EDEM3: variants seen among roughly 807,000 people sequenced by gnomAD.
The protein encoded by EDEM3 is ER degradation-enhancing alpha-mannosidase-like protein 3.
Under a neutral mutation model 110.2 loss-of-function variants are expected in EDEM3, and 60 were observed. The observed-to-expected ratio is 0.54, with a 90% confidence interval of 0.44 to 0.67. The LOEUF is 0.67. EDEM3 is among the 30% of genes least tolerant of loss of function. The pLI, the probability that EDEM3 is intolerant of heterozygous loss-of-function variation, is 0.00. For synonymous variants in EDEM3, 352 were observed against 382.9 expected (o/e 0.92, Z 0.94); for missense variants, 996 against 1,121.0 (o/e 0.89, Z 1.59).
At chr1:184,736,449 G>C (rs1457864249) in intron 4 of EDEM3, among the ~76,000 whole-genome samples, 2 of 151,986 alleles carry the variant, frequency 1.3e-5, no homozygotes, top group African/African-American at 4.8e-5. Flanking sequence ...AATGATCTAA[G>C]AGTAAAAAAC....
chr1:184,749,616 G>C, intron 1 of EDEM3, 24 bp from the exon 2 acceptor site: 3 of 1,136,212 alleles, frequency 2.6e-6, no homozygotes, highest in Non-Finnish European at 3.5e-6. Flanking sequence ...AGCAGAAATG[G>C]AAAAAAAAAA....
At chr1:184,733,705 G>A (rs948163022) in intron 5 of EDEM3, among the ~76,000 whole-genome samples, 1 of 151,922 alleles carries the variant, frequency 6.6e-6, no homozygotes, top group Non-Finnish European at 1.5e-5. Context: ...GCAGGTGCCT[G>A]TAATCCCAGC....
intron 19 of EDEM3, among the ~76,000 whole-genome samples, chr1:184,697,954 A>C (rs1649415381): frequency 1.3e-5 from 2 of 151,562 alleles, no homozygotes; most frequent in Non-Finnish European, 3.0e-5. Context: ...TAGAACCTCT[A>C]TTTCTTTATG....
chr1:184,741,465 AT>A (rs1308459369), intron 2 of EDEM3, among the ~76,000 whole-genome samples: 5 of 152,170 alleles, frequency 3.3e-5, no homozygotes, highest in African/African-American at 9.6e-5. Context: ...TGTTTCTAAT[AT>A]TTTTAATTAC....
intron 19 of EDEM3, among the ~76,000 whole-genome samples, chr1:184,694,771 CAAT>C (rs773293043): frequency 7.9e-5 from 12 of 151,886 alleles, no homozygotes; most frequent in Non-Finnish European, 7.4e-5. Flanking sequence ...GTACGCTAAC[CAAT>C]AATAATATTA....
chr1:184,743,153 CT>C (rs1652235223), intron 2 of EDEM3, among the ~76,000 whole-genome samples: 1 of 152,154 alleles, frequency 6.6e-6, no homozygotes, highest in South Asian at 2.1e-4. Flanking sequence ...TACTTTGTCT[CT>C]TTGTTTCAAG....
chr1:184,691,101 A>T lies in EDEM3; in HGVS notation c.*2962T>A, dbSNP rs1050556136. On this transcript the variant is annotated 3_prime_UTR_variant, in exon 20 of 20. Coordinates refer to ENST00000318130, the MANE Select transcript of EDEM3 (RefSeq NM_025191.4). ...ACTAATACTGTAAAGAAAAAGGGAG[A>T]CGTATAATGCCAAGAGTTAATTTGT... The T allele has an allele frequency of 6.6e-6, 1 of 152,568 alleles. No homozygotes were observed. The highest frequency in any genetic ancestry group is 1.5e-5 in the Non-Finnish European group (1 of 67,990). The allele number at this position is 152,568 out of a possible 1,614,324, so 9.5% of individuals were successfully genotyped here.
chr1:184,690,630 T>C lies in EDEM3; in HGVS notation c.*3433A>G, dbSNP rs1485172106. On this transcript the variant is annotated 3_prime_UTR_variant, in exon 20 of 20. Coordinates refer to ENST00000318130, the MANE Select transcript of EDEM3 (RefSeq NM_025191.4). ...CAGTACATAGTTTCCCTTAGAAATA[T>C]TGTATACATTTATCACCAAACAATA... 2.0e-5 allele frequency: 3 copies of C among 152,596 alleles called. No individual in the cohort carries two copies. The highest frequency in any genetic ancestry group is 3.8e-4 in the East Asian group (2 of 5,198). The allele number at this position is 152,596 out of a possible 1,614,324, so 9.5% of individuals were successfully genotyped here.
intron 2 of EDEM3, among the ~76,000 whole-genome samples, chr1:184,738,587 G>A (rs1441028729): frequency 6.7e-6 from 1 of 149,624 alleles, no homozygotes; most frequent in African/African-American, 2.5e-5. Context: ...CTAATTTTTG[G>A]TAAATGCTAC....
intron 7 of EDEM3, among the ~76,000 whole-genome samples, chr1:184,725,186 T>A (rs1013678984): frequency 1.3e-5 from 2 of 152,134 alleles, no homozygotes; most frequent in South Asian, 4.1e-4. Context: ...TTTTTTTTTT[T>A]AAATCATGAC....
At chr1:184,736,951 G>A in intron 4 of EDEM3, 74 bp downstream of exon 4, 1 of 1,203,450 alleles carries the variant, frequency 8.3e-7, no homozygotes, top group South Asian at 1.2e-5. Flanking sequence ...CATACTTACT[G>A]TGTTATGATC....
chr1:184,752,066 C>G (rs1457231425), intron 1 of EDEM3, among the ~76,000 whole-genome samples: 1 of 152,206 alleles, frequency 6.6e-6, no homozygotes, highest in Non-Finnish European at 1.5e-5. Flanking sequence ...TCGGCTTTTT[C>G]TAAAGTTACG....
chr1:184,731,993 T>G (rs1571399218), intron 6 of EDEM3, among the ~76,000 whole-genome samples: 2 of 152,010 alleles, frequency 1.3e-5, no homozygotes, highest in East Asian at 3.9e-4. Context: ...TGGCTAACAC[T>G]GTGAAACCCC....
At chr1:184,744,249 A>AATATATATATATATATATATATAT (rs55959890) in intron 2 of EDEM3, among the ~76,000 whole-genome samples, 1 of 87,594 alleles carries the variant, frequency 1.1e-5, no homozygotes, top group Non-Finnish European at 2.3e-5. Context: ...ACAAATGACA[A>AATATATATATATATATATATATAT]ATATATATAT....
Position 184,737,041 on chromosome 1 carries a change from G to A in EDEM3, c.329C>T (p.Ser110Phe). ...CAAACCTACCACAAGAGTGTCCAAA[G>A]AATCAATCAGTGTCAGAGAAAATCT... is the stretch of plus-strand genomic sequence containing the variant. ...LGKFSLTLID[S>F]LDTLVVLNKT... is the part of the protein sequence containing the mutation. The change falls in exon 4 of 20, where the codon TCT becomes TTT. Residue 110 changes from serine (S) to phenylalanine (F), a missense_variant. Physicochemically the swap from Ser to Phe is radical, Grantham distance 155. This residue lies in a region of EDEM3 where 200 missense variants were observed against 183.8 expected (regional missense o/e 1.09). Coordinates refer to ENST00000318130, the MANE Select transcript of EDEM3 (RefSeq NM_025191.4). The A allele has an allele frequency of 6.2e-7, 1 of 1,611,402 alleles. No individual in the cohort carries two copies.
intron 18 of EDEM3, 72 bp from the exon 19 acceptor site, chr1:184,703,068 T>C: frequency 1.7e-6 from 2 of 1,205,682 alleles, no homozygotes; most frequent in East Asian, 2.9e-5. Context: ...TAATTGTTAC[T>C]GATTTTTTAC....
rs550203562 is a variant in EDEM3 at position 184,744,309 on chromosome 1, A to G, written c.204+5238T>C. On this transcript the variant is annotated intron_variant, in intron 2 of 19. Coordinates refer to ENST00000318130, the MANE Select transcript of EDEM3 (RefSeq NM_025191.4). ...ATATATATATGAATAGCAAATAAGC[A>G]TATGGGAAAATTTTCAATGTCATTA... is the stretch of plus-strand genomic sequence containing the variant. 3.9e-4 allele frequency among the ~76,000 whole-genome samples: 56 copies of G among 144,080 alleles called. 1 individual carries two copies. The South Asian group carries it at 0.012, about 32-fold the overall frequency. The allele number at this position is 144,080 out of a possible 152,430, so 94.5% of individuals were successfully genotyped here.
intron 1 of EDEM3, among the ~76,000 whole-genome samples, chr1:184,754,240 G>A (rs1052454873): frequency 6.6e-6 from 1 of 152,142 alleles, no homozygotes; most frequent in African/African-American, 2.4e-5. Flanking sequence ...GACACACCGC[G>A]CCTGGCTTCA....
chr1:184,747,548 GTCAC>G (rs1652499589), intron 2 of EDEM3, among the ~76,000 whole-genome samples: 1 of 152,194 alleles, frequency 6.6e-6, no homozygotes, highest in South Asian at 2.1e-4. Flanking sequence ...CACAGCAAGA[GTCAC>G]TCACATTGTA....
Sources: gnomAD v4.1 joint callset for allele counts (sites outside exome capture counted in the v4.1 genomes callset) on GRCh38, gnomAD v4.1.1 for gene constraint, gnomAD v4.1.1 regional missense constraint, MANE v1.5 for transcripts, NCBI Gene and HGNC (gene_info 2026-07-23, HGNC 2026-07-21) for gene names.